Variants in LGR5 observed in about 807,000 individuals in gnomAD.
The protein encoded by LGR5 is leucine-rich repeat-containing G protein-coupled receptor 5.
LGR5 carries 54 observed loss-of-function variants against 76.7 expected under a neutral mutation model. The observed-to-expected ratio is 0.70, with a 90% CI of 0.57 to 0.88. LGR5 has a LOEUF of 0.88. Ranked by LOEUF, LGR5 falls within the 40% of genes least tolerant of loss-of-function variation. The probability of loss-of-function intolerance (pLI) is 0.00; values close to 1 mark genes in which losing one functional copy is unlikely to be tolerated. For synonymous variants in LGR5, 406 were observed against 421.9 expected (o/e 0.96, Z 0.46); for missense variants, 1,078 against 1,073.3 (o/e 1.00, Z -0.06).
In LGR5 at chr12:71,583,960, ATC is replaced by A; in HGVS notation, c.1952_1953del (p.Ser651CysfsTer22). On this transcript the variant is annotated frameshift_variant, in exon 18 of 18. Transcript: ENST00000266674. LOFTEE classifies it low-confidence loss of function (END_TRUNC). Reference sequence around the variant, plus strand: ...TTTTGTCCATTTTTGCTTCAGAATCATCTGTTTTCCTGCTTACTCTGGCAGCC... The same window carrying A: ...TTTTGTCCATTTTTGCTTCAGAATCATGTTTTCCTGCTTACTCTGGCAGCC... The part of the protein sequence containing the change: ...GFLSIFASES[S>X]VFLLTLAALE... 6.2e-7 allele frequency: 1 copy of A among 1,614,022 alleles called. No homozygotes were observed. Among genetic ancestry groups the A allele is most frequent in the Non-Finnish European group, 8.5e-7 (1 of 1,180,010 alleles).
intron 1 of LGR5, among the ~76,000 whole-genome samples, chr12:71,450,687 C>T (rs937978185): frequency 1.3e-5 from 2 of 152,100 alleles, no homozygotes; most frequent in African/African-American, 4.8e-5. Context: ...TTTTGGTTGC[C>T]TTAATGTCTC....
intron 1 of LGR5, among the ~76,000 whole-genome samples, chr12:71,473,485 A>T (rs1873188176): frequency 6.6e-6 from 1 of 152,064 alleles, no homozygotes; most frequent in African/African-American, 2.4e-5. Context: ...TTTAAAAAAA[A>T]TTTTAAGTCG....
rs535779699 is a variant in LGR5, at chr12:71,470,215, C to A, written c.212+29923C>A. Among the ~76,000 whole-genome samples, 7 of 152,176 alleles carry A rather than the reference C, an allele frequency of 4.6e-5. 1 individual carries two copies. Among genetic ancestry groups the A allele is most frequent in the Non-Finnish European group, 1.0e-4 (7 of 68,032 alleles). On this transcript the variant is annotated intron_variant, in intron 1 of 17. Transcript: ENST00000266674. ...AATTTCCCTTCAGCCCTTCTGGCTT[C>A]ATCAATGAGAAAGTCTTAGCCAGGG...
At chr12:71,508,226 C>CA (rs2137310777) in intron 2 of LGR5, among the ~76,000 whole-genome samples, 1 of 152,112 alleles carries the variant, frequency 6.6e-6, no homozygotes, top group African/African-American at 2.4e-5. Context: ...GACTCCGTCT[C>CA]AAAAACAAAC....
At chr12:71,497,923 T>C (rs1874407213) in intron 1 of LGR5, among the ~76,000 whole-genome samples, 1 of 152,184 alleles carries the variant, frequency 6.6e-6, no homozygotes, top group African/African-American at 2.4e-5. Context: ...ATCTCAACTA[T>C]GGCTGAATTT....
intron 1 of LGR5, among the ~76,000 whole-genome samples, chr12:71,485,769 T>C (rs773286258): frequency 9.1e-6 from 1 of 109,622 alleles, no homozygotes. Flanking sequence ...CACAATTATC[T>C]TTTTTTTTTT....
intron 1 of LGR5, among the ~76,000 whole-genome samples, chr12:71,462,317 T>C (rs17109727): frequency 0.06 from 9,173 of 152,208 alleles, 958 homozygotes; most frequent in African/African-American, 0.21. Context: ...ATGGCTGTCA[T>C]TTAATATCTC....
chr12:71,477,247 C>T (rs78456759), intron 1 of LGR5, among the ~76,000 whole-genome samples: 1 of 151,960 alleles, frequency 6.6e-6, no homozygotes, highest in Non-Finnish European at 1.5e-5. Flanking sequence ...CAAACAATAA[C>T]CCTGGTAGAA....
chr12:71,441,563 T>A (rs1033672770), intron 1 of LGR5: 1 of 152,174 alleles, frequency 6.6e-6, no homozygotes, highest in Non-Finnish European at 1.5e-5. Flanking sequence ...TGCACAACAT[T>A]TTCCACTAGG....
intron 1 of LGR5, among the ~76,000 whole-genome samples, chr12:71,461,639 G>A: frequency 6.6e-6 from 1 of 151,948 alleles, no homozygotes; most frequent in East Asian, 1.9e-4. Context: ...TTTCCATTCT[G>A]TCTCCTTCCC....
intron 11 of LGR5, chr12:71,571,259 C>A (rs1878598093): frequency 6.7e-6 from 2 of 298,290 alleles, no homozygotes; most frequent in African/African-American, 2.2e-5. Flanking sequence ...GAAGTACTAA[C>A]AAAATATAAA....
chr12:71,545,573 A>G (rs746195941), intron 4 of LGR5, among the ~76,000 whole-genome samples: 1 of 152,194 alleles, frequency 6.6e-6, no homozygotes, highest in Non-Finnish European at 1.5e-5. Context: ...TGCAGCTGCA[A>G]GATTCTTCAC....
intron 1 of LGR5, among the ~76,000 whole-genome samples, chr12:71,489,570 T>A (rs886983749): frequency 7.2e-5 from 11 of 152,172 alleles, no homozygotes; most frequent in Admixed American, 7.2e-4. Flanking sequence ...TCCCTTCCAT[T>A]AATATTTAGG....
chr12:71,455,289 A>G (rs1872425477), intron 1 of LGR5, among the ~76,000 whole-genome samples: 1 of 152,156 alleles, frequency 6.6e-6, no homozygotes, highest in African/African-American at 2.4e-5. Context: ...CAATTTTTGT[A>G]TCTGTAAAAT....
Position 71,566,872 on chromosome 12 carries a change from C to T in LGR5, c.1030C>T (p.Pro344Ser). The T allele has an allele frequency of 2.5e-6, 4 of 1,613,864 alleles. No homozygotes were observed. Among genetic ancestry groups the T allele is most frequent in the Non-Finnish European group, 3.4e-6 (4 of 1,179,760 alleles). ...AACTGGAGCACAGATCTCATCTCTTCCTCAAACCGTCTGCAATCAGTTACC... is the reference window on the plus strand; with the variant it reads ...AACTGGAGCACAGATCTCATCTCTTTCTCAAACCGTCTGCAATCAGTTACC... ...TLTGAQISSL[P>S]QTVCNQLPNL... The change falls in exon 11 of 18, where the codon CCT (proline) becomes TCT (serine). Residue 344 changes from proline to serine, a missense_variant. Transcript: ENST00000266674.
chr12:71,444,403 T>C (rs922740552), intron 1 of LGR5, among the ~76,000 whole-genome samples: 1 of 152,116 alleles, frequency 6.6e-6, no homozygotes, highest in African/African-American at 2.4e-5. Context: ...TAAAACTAAC[T>C]GATAATTAGT....
chr12:71,573,402 C>G (rs1171204198), intron 13 of LGR5, among the ~76,000 whole-genome samples: 1 of 152,164 alleles, frequency 6.6e-6, no homozygotes, highest in Non-Finnish European at 1.5e-5. Context: ...GACTGGGAAT[C>G]TGCATTTTAA....
At chr12:71,499,091 A>G (rs1344430544) in intron 1 of LGR5, among the ~76,000 whole-genome samples, 2 of 152,176 alleles carry the variant, frequency 1.3e-5, no homozygotes, top group African/African-American at 4.8e-5. Context: ...CTGGGATAAT[A>G]ACAGAGAAGA....
chr12:71,539,464 A>G (rs1876765181), intron 4 of LGR5, among the ~76,000 whole-genome samples: 1 of 152,052 alleles, frequency 6.6e-6, no homozygotes, highest in Non-Finnish European at 1.5e-5. Flanking sequence ...ACATAGGTAC[A>G]CTTGTGGTTT....
Sources: gnomAD v4.1 joint callset for allele counts (sites outside exome capture counted in the v4.1 genomes callset) on GRCh38, gnomAD v4.1.1 for gene constraint, MANE v1.5 for transcripts, NCBI Gene and HGNC (gene_info 2026-07-23, HGNC 2026-07-21) for gene names.